The following PARN variants were observed in gnomAD, a reference collection of about 807,000 sequenced individuals.
PARN encodes poly(A)-specific ribonuclease PARN.
PARN carries 71 observed loss-of-function variants against 102.8 expected under a neutral mutation model. The ratio of observed to expected loss-of-function variants is 0.69; its 90% CI spans 0.57 to 0.84. PARN has a LOEUF of 0.84. PARN is among the 40% of genes least tolerant of loss of function. PARN has a pLI of 0.00. For missense variants in PARN, 782 were observed against 760.9 expected (o/e 1.03, Z -0.33); for synonymous variants, 261 against 252.9 (o/e 1.03, Z -0.30).
chr16:14,610,739 C>T lies in PARN; in HGVS notation c.459G>A (p.Ala153=), dbSNP rs960463679. Residue 153 remains alanine, a synonymous_variant, in exon 7 of 24, where the codon GCG becomes GCA. Transcript: ENST00000437198. Reference sequence around the variant, plus strand: ...CATAGGACAGAGCTCCTGCACCATTCGCCTGTGAACGTTTTTCATCATACT... The same window carrying T: ...CATAGGACAGAGCTCCTGCACCATTTGCCTGTGAACGTTTTTCATCATACT... The part of the protein sequence containing the change: ...REQYDEKRSQ[A]NGAGALSYVS... 25 of 1,607,212 alleles carry T rather than the reference C, an allele frequency of 1.6e-5. No homozygotes were observed. The highest frequency in any genetic ancestry group is 4.0e-5 in the African/African-American group (3 of 74,754).
chr16:14,503,138 C>CA (rs369739370), intron 21 of PARN, among the ~76,000 whole-genome samples: 2 of 152,128 alleles, frequency 1.3e-5, no homozygotes, highest in Non-Finnish European at 2.9e-5. Flanking sequence ...AACCTCCCCC[C>CA]ACAGAGGCAC....
chr16:14,608,588 G>T (rs556465573), intron 8 of PARN, among the ~76,000 whole-genome samples: 2 of 152,224 alleles, frequency 1.3e-5, no homozygotes, highest in African/African-American at 4.8e-5. Flanking sequence ...TGCATAAAGA[G>T]AGCTTAAAGT....
intron 5 of PARN, among the ~76,000 whole-genome samples, chr16:14,620,091 A>C (rs1225694141): frequency 1.4e-5 from 2 of 138,920 alleles, no homozygotes; most frequent in African/African-American, 5.4e-5. Flanking sequence ...AAAAAAAAAA[A>C]CACTGGCCGG....
chr16:14,507,540 C>CA (rs1011410936), intron 21 of PARN, among the ~76,000 whole-genome samples: 1 of 150,644 alleles, frequency 6.6e-6, no homozygotes, highest in Non-Finnish European at 1.5e-5. Flanking sequence ...ATTAAAAATA[C>CA]AAAAAAGGCA....
At chr16:14,469,757 T>C (rs1290828323) in intron 22 of PARN, among the ~76,000 whole-genome samples, 1 of 151,926 alleles carries the variant, frequency 6.6e-6, no homozygotes, top group Admixed American at 6.6e-5. Flanking sequence ...TTTCTACATC[T>C]GGCAATTAAA....
chr16:14,526,924 A>T (rs758577841), intron 21 of PARN, among the ~76,000 whole-genome samples: 1 of 152,228 alleles, frequency 6.6e-6, no homozygotes, highest in Non-Finnish European at 1.5e-5. Flanking sequence ...TTTAAAAGCA[A>T]ATAAAAAGTA....
Position 14,546,354 on chromosome 16 carries a change from C to T in PARN, c.1480+5667G>A, listed in dbSNP as rs144570299. Among the ~76,000 whole-genome samples the T allele has an allele frequency of 7.8e-3, 1,195 of 152,290 alleles. 15 individuals carry two copies. Among genetic ancestry groups the T allele is most frequent in the Non-Finnish European group, 0.011 (752 of 68,020 alleles). ...GACTGAGGCAAAGCCAAGTGTCTTC[C>T]CTCATCCCAAAAATCATCCTGAAAA... On this transcript the variant is annotated intron_variant, in intron 21 of 23. Transcript: ENST00000437198.
intron 6 of PARN, among the ~76,000 whole-genome samples, chr16:14,614,939 C>T (rs1352135187): frequency 6.7e-6 from 1 of 148,316 alleles, no homozygotes; most frequent in Non-Finnish European, 1.5e-5. Flanking sequence ...GGACACCTAG[C>T]ACAGCCTGGC....
chr16:14,578,403 C>G (rs550657485), intron 18 of PARN: 1 of 150,692 alleles, frequency 6.6e-6, no homozygotes, highest in Non-Finnish European at 1.5e-5. Flanking sequence ...GTCTGTAACT[C>G]CAGCACTCTG....
In PARN at chr16:14,574,735, C is replaced by G. The variant is rs142989050; in HGVS notation, c.1262+6139G>C. Among the ~76,000 whole-genome samples, 12 of 152,114 alleles carry G rather than the reference C, an allele frequency of 7.9e-5. No individual in the cohort carries two copies. The East Asian group carries it at 2.3e-3, about 29-fold the overall frequency. ...CTCAAAAAAAAAGAAAAGAAAATCC[C>G]ATTTTCTGAGGAGAAATTAAGCTGG... On this transcript the variant is annotated intron_variant, in intron 18 of 23. Coordinates refer to ENST00000437198, the MANE Select transcript of PARN (RefSeq NM_002582.4).
chr16:14,542,081 T>C (rs574652256), intron 21 of PARN, among the ~76,000 whole-genome samples: 6 of 152,088 alleles, frequency 3.9e-5, no homozygotes, highest in Non-Finnish European at 8.8e-5. Flanking sequence ...ATTGGTTCAA[T>C]GCAACCTTGA....
chr16:14,526,523 A>G (rs940167510), intron 21 of PARN, among the ~76,000 whole-genome samples: 3 of 152,134 alleles, frequency 2.0e-5, no homozygotes, highest in African/African-American at 7.2e-5. Context: ...GCTTCCTTCT[A>G]AAGGGGCCAA....
chr16:14,450,629 G>A (rs1477176162), intron 22 of PARN, among the ~76,000 whole-genome samples: 1 of 152,144 alleles, frequency 6.6e-6, no homozygotes, highest in Non-Finnish European at 1.5e-5. Flanking sequence ...CGTAGAAGCA[G>A]AGACACCAGA....
At chr16:14,504,367 G>A (rs1256674711) in intron 21 of PARN, among the ~76,000 whole-genome samples, 4 of 152,104 alleles carry the variant, frequency 2.6e-5, no homozygotes, top group Admixed American at 6.5e-5. Context: ...AGATCAGCCT[G>A]GCCAACATGG....
chr16:14,478,508 T>C (rs543155235), intron 22 of PARN, among the ~76,000 whole-genome samples: 1 of 152,260 alleles, frequency 6.6e-6, no homozygotes, highest in East Asian at 1.9e-4. Flanking sequence ...GGGGAAACAT[T>C]GAACTTCTCC....
intron 16 of PARN, among the ~76,000 whole-genome samples, chr16:14,583,077 T>C (rs1969629493): frequency 6.6e-6 from 1 of 152,230 alleles, no homozygotes; most frequent in Non-Finnish European, 1.5e-5. Context: ...GCTATAATGC[T>C]GGCCTTGGAT....
intron 6 of PARN, among the ~76,000 whole-genome samples, chr16:14,615,629 G>A (rs974920070): frequency 1.3e-5 from 2 of 152,094 alleles, no homozygotes; most frequent in Non-Finnish European, 2.9e-5. Flanking sequence ...GGCCAGGCCC[G>A]GTGGCTCATG....
At position 14,627,209 on chromosome 16, in the gene PARN, C is replaced by T. The variant is rs780885379; in HGVS notation, c.246-22G>A. Reference sequence around the variant, plus strand: ...ATACCTGGGATAAGATAAAAGGAGACTTAGGAGGTGACATTGTGCCACAAA... The same window carrying T: ...ATACCTGGGATAAGATAAAAGGAGATTTAGGAGGTGACATTGTGCCACAAA... On this transcript the variant is annotated intron_variant, in intron 4 of 23. Coordinates refer to ENST00000437198, the MANE Select transcript of PARN (RefSeq NM_002582.4). 3.2e-6 allele frequency: 5 copies of T among 1,575,444 alleles called. 1 individual carries two copies. The East Asian group carries it at 6.7e-5, about 21-fold the overall frequency.
rs762440317 is a variant in PARN, at chr16:14,627,250, G to A, written c.245+19C>T. On this transcript the variant is annotated intron_variant, in intron 4 of 23. Coordinates refer to ENST00000437198, the MANE Select transcript of PARN (RefSeq NM_002582.4). ...GTGCCACAAAAACGGAATTCCCAAC[G>A]TTTGTTAACACAACCTACTTTGAAT... 2.1e-5 allele frequency: 34 copies of A among 1,587,886 alleles called. No homozygotes were observed. The highest frequency in any genetic ancestry group is 2.5e-5 in the Non-Finnish European group (29 of 1,163,896).
Sources: allele counts gnomAD v4.1 joint callset (sites outside exome capture counted in the v4.1 genomes callset), GRCh38; gene constraint gnomAD v4.1.1; transcripts MANE v1.5; gene names NCBI Gene and HGNC (gene_info 2026-07-23, HGNC 2026-07-21).